Variants in HSD17B12 observed in about 807,000 individuals in gnomAD.
The protein encoded by HSD17B12 is very-long-chain 3-oxoacyl-CoA reductase.
A neutral mutation model predicts 39.3 loss-of-function variants in HSD17B12; 32 were observed. The observed-to-expected ratio is 0.81, with a 90% CI of 0.61 to 1.09. HSD17B12 has a LOEUF of 1.09. Ranked by LOEUF, HSD17B12 falls within the 50% of genes least tolerant of loss-of-function variation. The probability of loss-of-function intolerance (pLI) is 0.00; values close to 1 mark genes in which losing one functional copy is unlikely to be tolerated. For synonymous variants in HSD17B12, 150 were observed against 146.7 expected (o/e 1.02, Z -0.16); for missense variants, 342 against 382.9 (o/e 0.89, Z 0.89).
chr11:43,748,964 A>T (rs140675441), intron 1 of HSD17B12, among the ~76,000 whole-genome samples: 1 of 152,158 alleles, frequency 6.6e-6, no homozygotes, highest in Non-Finnish European at 1.5e-5. Flanking sequence ...CTCTAATATG[A>T]CCATTTTGCA....
chr11:43,732,680 C>T (rs901993798), intron 1 of HSD17B12, among the ~76,000 whole-genome samples: 1 of 151,954 alleles, frequency 6.6e-6, no homozygotes, highest in Non-Finnish European at 1.5e-5. Context: ...CCAGGCTGGT[C>T]TCGAACTCCT....
the HSD17B12 span, among the ~76,000 whole-genome samples, chr11:43,573,841 A>T: frequency 6.6e-6 from 1 of 152,220 alleles, no homozygotes; most frequent in African/African-American, 2.4e-5. Context: ...CTTTAAAAAC[A>T]TGTTTAGCCT....
At chr11:43,715,555 A>G (rs11037578) in intron 1 of HSD17B12, among the ~76,000 whole-genome samples, 11,155 of 152,228 alleles carry the variant, frequency 0.073, 615 homozygotes, top group Non-Finnish European at 0.11. Flanking sequence ...TTTTGCATCA[A>G]TGTTCATCTG....
At chr11:43,817,195 G>C (rs1339010715) in intron 6 of HSD17B12, among the ~76,000 whole-genome samples, 3 of 151,788 alleles carry the variant, frequency 2.0e-5, no homozygotes, top group Non-Finnish European at 4.4e-5. Context: ...GGGATTATTT[G>C]CTTTTTTCTT....
intron 9 of HSD17B12, among the ~76,000 whole-genome samples, chr11:43,850,224 G>A (rs768079357): frequency 6.6e-6 from 1 of 152,110 alleles, no homozygotes; most frequent in Non-Finnish European, 1.5e-5. Context: ...AGCTAATTTC[G>A]TGGTCTGCAA....
intron 3 of HSD17B12, among the ~76,000 whole-genome samples, chr11:43,763,535 G>A (rs905853403): frequency 3.3e-5 from 5 of 150,698 alleles, no homozygotes; most frequent in Middle Eastern, 3.5e-3. Flanking sequence ...ACTGGTTCCA[G>A]ACAGTTTAAT....
chr11:43,765,805 A>G (rs1950590228), intron 3 of HSD17B12, among the ~76,000 whole-genome samples: 1 of 152,102 alleles, frequency 6.6e-6, no homozygotes, highest in Non-Finnish European at 1.5e-5. Flanking sequence ...TTCTCTCTGT[A>G]TTAAAATTTC....
chr11:43,678,377 G>A (rs1253214961), upstream of HSD17B12, among the ~76,000 whole-genome samples: 1 of 152,150 alleles, frequency 6.6e-6, no homozygotes, highest in Admixed American at 6.5e-5. Flanking sequence ...CTCCCATTCT[G>A]TAGGTTGCCT....
At chr11:43,665,393 AT>A in the HSD17B12 span, among the ~76,000 whole-genome samples, 1 of 151,978 alleles carries the variant, frequency 6.6e-6, no homozygotes, top group Admixed American at 6.6e-5. Context: ...TAATTTTTAA[AT>A]TTTTTGTAGA....
chr11:43,812,683 G>A (rs1951084143), intron 4 of HSD17B12, among the ~76,000 whole-genome samples: 1 of 152,166 alleles, frequency 6.6e-6, no homozygotes, highest in Admixed American at 6.5e-5. Flanking sequence ...TCTTCACTCT[G>A]TTGATTATTT....
At chr11:43,633,504 C>A in the HSD17B12 span, among the ~76,000 whole-genome samples, 1,671 of 152,066 alleles carry the variant, frequency 0.011, 11 homozygotes, top group South Asian at 0.023. Flanking sequence ...TGCACTACAG[C>A]CTGGGTGACA....
intron 1 of HSD17B12, among the ~76,000 whole-genome samples, chr11:43,725,273 G>A (rs1317141838): frequency 1.3e-5 from 2 of 152,204 alleles, no homozygotes; most frequent in Admixed American, 1.3e-4. Flanking sequence ...CTCTAAAATT[G>A]GTATGTACTT....
chr11:43,736,249 G>T (rs1950315381), intron 1 of HSD17B12, among the ~76,000 whole-genome samples: 1 of 152,150 alleles, frequency 6.6e-6, no homozygotes, highest in African/African-American at 2.4e-5. Flanking sequence ...TCGGCCCAGG[G>T]GAGTAACTGC....
At chr11:43,834,308 C>G (rs1425554028) in intron 7 of HSD17B12, among the ~76,000 whole-genome samples, 13 of 152,162 alleles carry the variant, frequency 8.5e-5, no homozygotes, top group Non-Finnish European at 1.5e-5. Context: ...AACCCTCCCC[C>G]TCAAGAGCCT....
chr11:43,630,436 A>G, the HSD17B12 span, among the ~76,000 whole-genome samples: 1 of 152,170 alleles, frequency 6.6e-6, no homozygotes, highest in Non-Finnish European at 1.5e-5. Context: ...CTGTTTACTC[A>G]GATTAATGCC....
intron 3 of HSD17B12, among the ~76,000 whole-genome samples, chr11:43,792,146 T>G (rs2135032773): frequency 6.6e-6 from 1 of 152,270 alleles, no homozygotes; most frequent in South Asian, 2.1e-4. Context: ...ATAGTAGGGA[T>G]GTAAGGATAC....
the HSD17B12 span, among the ~76,000 whole-genome samples, chr11:43,560,377 A>G: frequency 6.6e-6 from 1 of 152,166 alleles, no homozygotes; most frequent in South Asian, 2.1e-4. Context: ...TTCTGTGTCA[A>G]CATTTTCAGC....
chr11:43,652,208 C>T, the HSD17B12 span, among the ~76,000 whole-genome samples: 2 of 152,142 alleles, frequency 1.3e-5, no homozygotes, highest in Admixed American at 1.3e-4. Context: ...GGAGGACTTA[C>T]ATTTCCTGGT....
At chr11:43,825,631 A>T (rs1424387224) in intron 6 of HSD17B12, among the ~76,000 whole-genome samples, 1 of 152,258 alleles carries the variant, frequency 6.6e-6, no homozygotes, top group Non-Finnish European at 1.5e-5. Flanking sequence ...AGATGAAGGC[A>T]TTCCAAGTTA....
Sources: allele counts gnomAD v4.1 joint callset (sites outside exome capture counted in the v4.1 genomes callset), GRCh38; gene constraint gnomAD v4.1.1; transcripts MANE v1.5; gene names NCBI Gene and HGNC (gene_info 2026-07-23, HGNC 2026-07-21).